ROR1: variants seen among roughly 807,000 people sequenced by gnomAD.
ROR1 encodes ROR family WNT receptor 1.
ROR1 carries 19 observed loss-of-function variants against 78.8 expected under a neutral mutation model. That is an observed-to-expected ratio of 0.24 (90% confidence interval 0.17 to 0.35). The LOEUF is 0.35. ROR1 is among the 10% of genes least tolerant of loss of function. ROR1 has a pLI of 1.00. For synonymous variants in ROR1, 386 were observed against 433.6 expected (o/e 0.89, Z 1.36); for missense variants, 917 against 1,177.8 (o/e 0.78, Z 3.24).
chr1:63,981,232 C>A (rs2100509335), intron 1 of ROR1, among the ~76,000 whole-genome samples: 1 of 152,148 alleles, frequency 6.6e-6, no homozygotes, highest in South Asian at 2.1e-4. Flanking sequence ...GCAGAGAGAC[C>A]AAAGTCAAAC....
intron 1 of ROR1, among the ~76,000 whole-genome samples, chr1:64,002,649 A>G (rs977283832): frequency 6.6e-6 from 1 of 152,140 alleles, no homozygotes; most frequent in Non-Finnish European, 1.5e-5. Context: ...CAAGAACTGC[A>G]TGTGGTCTAT....
intron 1 of ROR1, among the ~76,000 whole-genome samples, chr1:63,961,505 G>A (rs887957519): frequency 3.3e-5 from 5 of 152,270 alleles, no homozygotes; most frequent in Middle Eastern, 3.4e-3. Context: ...TTACTCAGAC[G>A]TAAATATAAT....
intron 1 of ROR1, among the ~76,000 whole-genome samples, chr1:63,938,884 G>C (rs1645814623): frequency 6.6e-6 from 1 of 152,150 alleles, no homozygotes; most frequent in Non-Finnish European, 1.5e-5. Context: ...TGTAGTCCCA[G>C]CTACTTGGGA....
At chr1:63,805,428 CAGAA>C (rs1644822771) in intron 1 of ROR1, among the ~76,000 whole-genome samples, 1 of 152,150 alleles carries the variant, frequency 6.6e-6, no homozygotes, top group Non-Finnish European at 1.5e-5. Context: ...ATGTAGACAG[CAGAA>C]AGAAGATGGG....
chr1:64,050,644 C>G (rs1009923621), intron 3 of ROR1, 42 bp from the exon 4 acceptor site: 2 of 1,598,792 alleles, frequency 1.3e-6, no homozygotes, highest in South Asian at 2.2e-5. Context: ...CCTCCAATAA[C>G]CTAGACTGAC....
At chr1:64,128,413 G>A (rs1648794072) in intron 4 of ROR1, among the ~76,000 whole-genome samples, 1 of 152,002 alleles carries the variant, frequency 6.6e-6, no homozygotes, top group South Asian at 2.1e-4. Context: ...AGGCTGCAGT[G>A]AGCTGTGGTC....
At chr1:64,075,232 C>CATGT (rs1320155682) in intron 4 of ROR1, among the ~76,000 whole-genome samples, 2 of 152,152 alleles carry the variant, frequency 1.3e-5, no homozygotes, top group African/African-American at 4.8e-5. Context: ...AATAAAATTA[C>CATGT]ACTTCAGAAC....
chr1:64,083,233 C>T (rs1302502212), intron 4 of ROR1, among the ~76,000 whole-genome samples: 1 of 152,114 alleles, frequency 6.6e-6, no homozygotes, highest in East Asian at 1.9e-4. Flanking sequence ...GATCATAGAA[C>T]ATGAAATAGA....
intron 4 of ROR1, among the ~76,000 whole-genome samples, chr1:64,124,104 G>A (rs1258428614): frequency 6.6e-6 from 1 of 152,080 alleles, no homozygotes; most frequent in Non-Finnish European, 1.5e-5. Flanking sequence ...AATAATTTGT[G>A]TGTTTATATG....
chr1:63,994,294 A>G (rs912996858), intron 1 of ROR1, among the ~76,000 whole-genome samples: 1 of 152,092 alleles, frequency 6.6e-6, no homozygotes, highest in Admixed American at 6.6e-5. Flanking sequence ...CTAGTTTGAC[A>G]TATGTCTTTT....
chr1:64,077,496 C>A (rs1569695234), intron 4 of ROR1, among the ~76,000 whole-genome samples: 1 of 152,262 alleles, frequency 6.6e-6, no homozygotes, highest in Non-Finnish European at 1.5e-5. Flanking sequence ...GCAGGCACGT[C>A]CTCTGATCCT....
At chr1:64,159,800 C>A (rs1358369654) in intron 8 of ROR1, among the ~76,000 whole-genome samples, 1 of 152,124 alleles carries the variant, frequency 6.6e-6, no homozygotes, top group Non-Finnish European at 1.5e-5. Context: ...TGATAACCAA[C>A]CTTAGCCTTC....
At chr1:63,917,875 G>A (rs1288095958) in intron 1 of ROR1, among the ~76,000 whole-genome samples, 1 of 152,174 alleles carries the variant, frequency 6.6e-6, no homozygotes, top group Non-Finnish European at 1.5e-5. Flanking sequence ...TCAGTGATGT[G>A]GGTGAGCAAA....
intron 1 of ROR1, among the ~76,000 whole-genome samples, chr1:63,801,473 T>A (rs1644797014): frequency 6.6e-6 from 1 of 152,140 alleles, no homozygotes; most frequent in Non-Finnish European, 1.5e-5. Context: ...TTTTGTATTT[T>A]TAGTAAAGAC....
chr1:63,880,428 A>T (rs932426925), intron 1 of ROR1, among the ~76,000 whole-genome samples: 1 of 152,196 alleles, frequency 6.6e-6, no homozygotes, highest in Admixed American at 6.5e-5. Flanking sequence ...GAAAAACCTG[A>T]GTCTTCATAC....
At chr1:63,819,914 T>C (rs1391917376) in intron 1 of ROR1, among the ~76,000 whole-genome samples, 1 of 152,316 alleles carries the variant, frequency 6.6e-6, no homozygotes, top group East Asian at 1.9e-4. Context: ...ATGGGGAAAC[T>C]GAGGTACACC....
intron 7 of ROR1, among the ~76,000 whole-genome samples, chr1:64,147,803 C>T (rs1649513868): frequency 6.6e-6 from 1 of 152,164 alleles, no homozygotes; most frequent in South Asian, 2.1e-4. Context: ...ATCTCTAGGA[C>T]CACTGCTCTT....
chr1:64,166,851 C>T (rs144878736), intron 8 of ROR1, among the ~76,000 whole-genome samples: 75 of 152,208 alleles, frequency 4.9e-4, no homozygotes, highest in East Asian at 3.9e-3. Context: ...GGAGGCTGCC[C>T]GGTACATAAC....
intron 2 of ROR1, among the ~76,000 whole-genome samples, chr1:64,011,440 G>A (rs1465167151): frequency 6.6e-6 from 1 of 152,140 alleles, no homozygotes; most frequent in Non-Finnish European, 1.5e-5. Context: ...TTATATCATT[G>A]CACACTGCAT....
Sources: allele counts gnomAD v4.1 joint callset (sites outside exome capture counted in the v4.1 genomes callset), GRCh38; gene constraint gnomAD v4.1.1; transcripts MANE v1.5; gene names NCBI Gene and HGNC (gene_info 2026-07-23, HGNC 2026-07-21).